Variants in TSPAN9 observed in about 807,000 individuals in gnomAD.
TSPAN9 encodes the protein tetraspanin-9.
A neutral mutation model predicts 31.0 loss-of-function variants in TSPAN9; 16 were observed. The ratio of observed to expected loss-of-function variants is 0.52; its 90% CI spans 0.35 to 0.78. TSPAN9 has a LOEUF of 0.78. Among genes scored for constraint, TSPAN9 ranks in the 30% least tolerant of loss-of-function variants. The pLI, the probability that TSPAN9 is intolerant of heterozygous loss-of-function variation, is 0.01. For missense variants in TSPAN9, 272 were observed against 312.5 expected (o/e 0.87, Z 0.98); for synonymous variants, 145 against 121.6 (o/e 1.19, Z -1.27).
At position 3,143,417 on chromosome 12, in the gene TSPAN9, T is replaced by C. The variant is rs568297212; in HGVS notation, c.-17-57760T>C. Among the ~76,000 whole-genome samples, 1 of 151,864 alleles carries C rather than the reference T, an allele frequency of 6.6e-6. No homozygotes were observed. The highest frequency in any genetic ancestry group is 1.5e-5 in the Non-Finnish European group (1 of 67,964). ...CAGGGGTTTTTGCTTGCAGCTCTTA[T>C]AATTGTGGTGTTTGCCTAATGGTAA... On this transcript the variant is annotated intron_variant, in intron 2 of 8. Coordinates refer to ENST00000011898, the MANE Select transcript of TSPAN9 (RefSeq NM_006675.5). The surrounding 1 kb of genome is among the most constrained non-coding windows in gnomAD (Gnocchi z 4.2).
At chr12:3,086,035 C>CA (rs2098300275) in intron 2 of TSPAN9, among the ~76,000 whole-genome samples, 1 of 152,192 alleles carries the variant, frequency 6.6e-6, no homozygotes, top group Non-Finnish European at 1.5e-5. Context: ...TCTTCGTGCC[C>CA]GTGCCTGAGG....
chr12:3,274,122 G>T (rs11062599), intron 3 of TSPAN9, among the ~76,000 whole-genome samples: 11,350 of 152,232 alleles, frequency 0.075, 1,029 homozygotes, highest in East Asian at 0.37. Context: ...GTGCACTGCG[G>T]GGTGTTTGGC....
At chr12:3,151,686 A>G (rs1376939113) in intron 2 of TSPAN9, among the ~76,000 whole-genome samples, 1 of 152,134 alleles carries the variant, frequency 6.6e-6, no homozygotes, top group Non-Finnish European at 1.5e-5. Context: ...CCCAGATATG[A>G]AACAGAATAG....
chr12:3,261,778 G>A (rs1271936948), intron 3 of TSPAN9, among the ~76,000 whole-genome samples: 1 of 152,226 alleles, frequency 6.6e-6, no homozygotes, highest in Non-Finnish European at 1.5e-5. Flanking sequence ...TGCACCTGGT[G>A]CAAGAGCAAG....
chr12:3,166,521 T>A (rs2098348516), intron 2 of TSPAN9, among the ~76,000 whole-genome samples: 1 of 152,252 alleles, frequency 6.6e-6, no homozygotes, highest in Non-Finnish European at 1.5e-5. Context: ...AACAGCTTTG[T>A]CCTTTTATAT....
At chr12:3,268,613 TGTTCCTGCAGCCTGCCCTCTGTGC>T (rs2153979752) in intron 3 of TSPAN9, among the ~76,000 whole-genome samples, 1 of 112,780 alleles carries the variant, frequency 8.9e-6, no homozygotes, top group Admixed American at 8.8e-5. Flanking sequence ...GCCCTCCCTG[TGTTCCTGCAGCCTGCCCTCTGTGC>T]GTTCCTGCAG....
intron 1 of TSPAN9, among the ~76,000 whole-genome samples, chr12:3,081,657 G>T (rs2098297871): frequency 6.6e-6 from 1 of 151,962 alleles, no homozygotes; most frequent in African/African-American, 2.4e-5. Flanking sequence ...AACAGTGTAT[G>T]TGTCACATGT....
intron 3 of TSPAN9, among the ~76,000 whole-genome samples, chr12:3,224,472 G>C (rs2098386122): frequency 6.6e-6 from 1 of 152,248 alleles, no homozygotes; most frequent in African/African-American, 2.4e-5. Context: ...AGAAGGAAAG[G>C]AGCTTGGCTG....
intron 3 of TSPAN9, among the ~76,000 whole-genome samples, chr12:3,216,438 C>T (rs770492933): frequency 3.3e-5 from 5 of 152,156 alleles, no homozygotes; most frequent in East Asian, 1.9e-4. Context: ...GTTCTGGAGG[C>T]GGGGCTTGGG....
chr12:3,222,942 C>T (rs2098385292), intron 3 of TSPAN9, among the ~76,000 whole-genome samples: 1 of 151,238 alleles, frequency 6.6e-6, no homozygotes, highest in Non-Finnish European at 1.5e-5. Flanking sequence ...GGGGAGCCAT[C>T]ACTGGAAAGT....
chr12:3,139,039 C>A (rs1470610666), intron 2 of TSPAN9, among the ~76,000 whole-genome samples: 3 of 152,196 alleles, frequency 2.0e-5, no homozygotes, highest in African/African-American at 7.2e-5. Context: ...CCCCACCCTC[C>A]CTACACGCTG....
intron 3 of TSPAN9, among the ~76,000 whole-genome samples, chr12:3,234,886 C>T (rs890671291): frequency 2.0e-5 from 3 of 151,768 alleles, no homozygotes; most frequent in Non-Finnish European, 4.4e-5. Context: ...TGAGGCCGGG[C>T]GTGGTGGCTT....
chr12:3,237,600 A>G, intron 3 of TSPAN9, among the ~76,000 whole-genome samples: 1 of 150,168 alleles, frequency 6.7e-6, no homozygotes, highest in South Asian at 2.1e-4. Context: ...CTCTTAGCCC[A>G]CTCTTCTTTC....
chr12:3,135,723 C>A (rs1056860889), intron 2 of TSPAN9, among the ~76,000 whole-genome samples: 4 of 152,290 alleles, frequency 2.6e-5, no homozygotes, highest in Non-Finnish European at 1.5e-5. Context: ...GGTGGATCAG[C>A]CATCGCCCCT....
chr12:3,097,123 G>T (rs765103711), intron 2 of TSPAN9, among the ~76,000 whole-genome samples: 2 of 152,180 alleles, frequency 1.3e-5, no homozygotes, highest in Non-Finnish European at 2.9e-5. Flanking sequence ...ACTGAGGCTG[G>T]CTTTCCTTGG....
At chr12:3,183,795 C>T (rs563834130) in intron 2 of TSPAN9, among the ~76,000 whole-genome samples, 19 of 152,260 alleles carry the variant, frequency 1.2e-4, no homozygotes, top group African/African-American at 3.9e-4. Flanking sequence ...TATGAAGACC[C>T]GGGTTCCAGT....
intron 3 of TSPAN9, among the ~76,000 whole-genome samples, chr12:3,232,271 G>GTT (rs61523742): frequency 2.0e-5 from 3 of 146,578 alleles, no homozygotes; most frequent in African/African-American, 5.0e-5. Flanking sequence ...CTTCTGTTAT[G>GTT]TTTTTTTTTT....
intron 2 of TSPAN9, among the ~76,000 whole-genome samples, chr12:3,123,993 C>T (rs929767907): frequency 6.6e-5 from 10 of 152,178 alleles, no homozygotes; most frequent in Admixed American, 6.5e-4. Flanking sequence ...GGGAAGCAGG[C>T]AGGCCACCAG....
chr12:3,256,610 T>C (rs997819604), intron 3 of TSPAN9, among the ~76,000 whole-genome samples: 5 of 152,168 alleles, frequency 3.3e-5, no homozygotes, highest in African/African-American at 1.2e-4. Flanking sequence ...TGTTGGCTGA[T>C]TGGCATTTCT....
Sources: gnomAD v4.1 joint callset for allele counts (sites outside exome capture counted in the v4.1 genomes callset) on GRCh38, gnomAD v4.1.1 for gene constraint, Gnocchi (gnomAD v3.1) non-coding constraint, MANE v1.5 for transcripts, NCBI Gene and HGNC (gene_info 2026-07-23, HGNC 2026-07-21) for gene names.